Variants in GLS observed in about 807,000 individuals in gnomAD.
The protein encoded by GLS is glutaminase kidney isoform, mitochondrial.
Under a neutral mutation model 86.7 loss-of-function variants are expected in GLS, and 36 were observed. The observed-to-expected ratio is 0.42, with a 90% CI of 0.32 to 0.55. The LOEUF is 0.55. Among genes scored for constraint, GLS ranks in the 20% least tolerant of loss-of-function variants. GLS has a pLI of 0.17. For synonymous variants in GLS, 317 were observed against 305.9 expected, an observed-to-expected ratio of 1.04 and a Z score of -0.38; for missense variants, 528 against 833.4, an observed-to-expected ratio of 0.63 and a Z score of 4.51.
At position 190,897,735 on chromosome 2, in the gene GLS, T is replaced by C. The variant is rs1339601311; in HGVS notation, c.605+2010T>C. On this transcript the variant is annotated intron_variant, in intron 3 of 17. Coordinates refer to ENST00000320717, the MANE Select transcript of GLS (RefSeq NM_014905.5). The surrounding 1 kb of genome is among the most constrained non-coding windows in gnomAD (Gnocchi z 4.3). Reference sequence around the variant, plus strand: ...GCCAGAAATAAACTTCTCCCTTTCATGCAGCTAGGGAGGAGATGTTAAAAC... The same window carrying C: ...GCCAGAAATAAACTTCTCCCTTTCACGCAGCTAGGGAGGAGATGTTAAAAC... Among the ~76,000 whole-genome samples the C allele has an allele frequency of 6.6e-6, 1 of 152,222 alleles. No homozygotes were observed. The highest frequency in any genetic ancestry group is 2.4e-5 in the African/African-American group (1 of 41,450).
intron 14 of GLS, chr2:190,933,583 A>C (rs1690177357): frequency 1.1e-6 from 1 of 945,916 alleles, no homozygotes; most frequent in Non-Finnish European, 1.3e-6. Flanking sequence ...CAGATGTGAG[A>C]TAATGATGTT....
chr2:190,937,550 A>G (rs1479411494), intron 14 of GLS, among the ~76,000 whole-genome samples: 1 of 151,436 alleles, frequency 6.6e-6, no homozygotes, highest in Non-Finnish European at 1.5e-5. Flanking sequence ...TGCTTATTTA[A>G]CAAAGTGATT....
At chr2:190,925,823 T>C (rs1448662292) in intron 11 of GLS, among the ~76,000 whole-genome samples, 1 of 152,188 alleles carries the variant, frequency 6.6e-6, no homozygotes, top group East Asian at 1.9e-4. Context: ...CCATGTGACC[T>C]AATTTTAGTT....
chr2:190,895,221 G>C lies in GLS; in HGVS notation c.456G>C (p.Glu152Asp), dbSNP rs747392305. 6.8e-7 allele frequency: 1 copy of C among 1,469,420 alleles called. No homozygotes were observed. The highest frequency in any genetic ancestry group is 9.5e-7 in the Non-Finnish European group (1 of 1,053,350). 91.0% of individuals were successfully genotyped at this position (1,469,420 alleles called of 1,614,324 possible). A position where few individuals can be genotyped will look rare whatever the true frequency, so the allele number is the denominator to read the frequency against. Residue 152 changes from glutamate (E) to aspartate (D), a missense_variant, in exon 2 of 18, where the codon GAG becomes GAC. This residue lies in a region of GLS where 111 missense variants were observed against 179.5 expected (regional missense o/e 0.62). Coordinates refer to ENST00000320717, the MANE Select transcript of GLS (RefSeq NM_014905.5). This position sits in a 1 kb window ranked among gnomAD's most constrained non-coding sequence, Gnocchi z 4.2. ...TCTATACAATTGCTGAAGGACAAGA[G>C]AAAATACCTGTTCATAAATTTATTA... ...LLFYTIAEGQ[E>D]KIPVHKFITA...
chr2:190,913,580 A>G lies in GLS; in HGVS notation c.1038+3259A>G, dbSNP rs1689427792. On this transcript the variant is annotated intron_variant, in intron 7 of 17. Coordinates refer to ENST00000320717, the MANE Select transcript of GLS (RefSeq NM_014905.5). The surrounding 1 kb of genome is among the most constrained non-coding windows in gnomAD (Gnocchi z 6.1). ...AAAAATAAATTTGAAAGGAACAGTT[A>G]TTTTTATATGATGTAGCAGTATCCT... is the stretch of plus-strand genomic sequence containing the variant. The G allele has an allele frequency of 4.2e-6, 4 of 962,918 alleles. No homozygotes were observed. The highest frequency in any genetic ancestry group is 3.5e-5 in the African/African-American group (2 of 56,894). The allele number at this position is 962,918 out of a possible 1,614,324, so 59.6% of individuals were successfully genotyped here. A position where few individuals can be genotyped will look rare whatever the true frequency, so the allele number is the denominator to read the frequency against.
intron 6 of GLS, 94 bp from the exon 7 acceptor site, chr2:190,910,169 T>A: frequency 1.4e-6 from 1 of 738,030 alleles, no homozygotes; most frequent in Non-Finnish European, 2.3e-6. Context: ...ATTGAGTACG[T>A]TAGCTGTGCT....
chr2:190,909,067 A>G (rs1297408292), intron 6 of GLS, among the ~76,000 whole-genome samples: 1 of 152,230 alleles, frequency 6.6e-6, no homozygotes, highest in African/African-American at 2.4e-5. Flanking sequence ...AATTTAAACT[A>G]ATTTAAACTA....
At position 190,881,296 on chromosome 2, in the gene GLS, G is replaced by A. The variant is rs1250353728; in HGVS notation, c.212G>A (p.Gly71Asp). ...TGGCCGGCGGAGCCCCTCGCGCGGG[G>A]CCTGTCCAGCTCTCCTTCGGAGATC... is the stretch of plus-strand genomic sequence containing the variant. ...GGWPAEPLAR[G>D]LSSSPSEILQ... The change falls in exon 1 of 18, where the codon GGC (glycine) becomes GAC (aspartate). Residue 71 changes from glycine (G) to aspartate (D), a missense_variant. By Grantham distance (94) the Gly-to-Asp change is moderately conservative. Transcript: ENST00000320717. 3 of 1,448,352 alleles carry A rather than the reference G, an allele frequency of 2.1e-6. No individual in the cohort carries two copies. Among genetic ancestry groups the A allele is most frequent in the Non-Finnish European group, 2.7e-6 (3 of 1,097,594 alleles). 89.7% of individuals were successfully genotyped at this position (1,448,352 alleles called of 1,614,324 possible). A position where few individuals can be genotyped will look rare whatever the true frequency, so the allele number is the denominator to read the frequency against.
At chr2:190,899,394 C>G (rs1296437971) in intron 3 of GLS, among the ~76,000 whole-genome samples, 1 of 151,866 alleles carries the variant, frequency 6.6e-6, no homozygotes, top group African/African-American at 2.4e-5. Flanking sequence ...TATTTTTAAA[C>G]TGTTAATTTT....
Position 190,935,306 on chromosome 2 carries a change from G to GTT in GLS, c.1650+3672_1650+3673dup, listed in dbSNP as rs1473235510. On this transcript the variant is annotated intron_variant, in intron 14 of 17. Coordinates refer to ENST00000320717, the MANE Select transcript of GLS (RefSeq NM_014905.5). This position sits in a 1 kb window ranked among gnomAD's most constrained non-coding sequence, Gnocchi z 4.2. Reference sequence around the variant, plus strand: ...TTAAGCTGATTTTATTGTTTTTTTTGTTTTGTTTTGTTTTGTTTTTATAAA... The same window carrying GTT: ...TTAAGCTGATTTTATTGTTTTTTTTGTTTTTTGTTTTGTTTTGTTTTTATAAA... The GTT allele has an allele frequency of 1.3e-5, 5 of 385,032 alleles. No homozygotes were observed. Among genetic ancestry groups the GTT allele is most frequent in the African/African-American group, 2.2e-5 (1 of 45,260 alleles). The allele number at this position is 385,032 out of a possible 1,614,324, so 23.9% of individuals were successfully genotyped here. A position where few individuals can be genotyped will look rare whatever the true frequency, so the allele number is the denominator to read the frequency against.
intron 17 of GLS, among the ~76,000 whole-genome samples, chr2:190,961,566 T>C (rs1457230881): frequency 1.3e-5 from 2 of 152,148 alleles, no homozygotes; most frequent in African/African-American, 4.8e-5. Flanking sequence ...TAACACGCAG[T>C]TGACATTCCA....
Position 190,895,798 on chromosome 2 carries a change from G to T in GLS, c.605+73G>T, listed in dbSNP as rs1328028576. 14 of 1,270,634 alleles carry T rather than the reference G, an allele frequency of 1.1e-5. No individual in the cohort carries two copies. The highest frequency in any genetic ancestry group is 1.5e-5 in the Non-Finnish European group (14 of 921,426). The allele number at this position is 1,270,634 out of a possible 1,614,324, so 78.7% of individuals were successfully genotyped here. On this transcript the variant is annotated intron_variant, in intron 3 of 17. Transcript: ENST00000320717. This position sits in a 1 kb window ranked among gnomAD's most constrained non-coding sequence, Gnocchi z 4.2. Reference sequence around the variant, plus strand: ...GTGATTCTGCTTTTAAAACAAAATTGCATCTTTGAAGGCCACTGCTTCCTG... The same window carrying T: ...GTGATTCTGCTTTTAAAACAAAATTTCATCTTTGAAGGCCACTGCTTCCTG...
At chr2:190,958,353 GTTGA>G (rs1690911896) in intron 17 of GLS, among the ~76,000 whole-genome samples, 1 of 152,036 alleles carries the variant, frequency 6.6e-6, no homozygotes, top group African/African-American at 2.4e-5. Flanking sequence ...GGTCTATTTT[GTTGA>G]TGTTTTCAAA....
At chr2:190,937,111 T>G (rs1173030643) in intron 14 of GLS, among the ~76,000 whole-genome samples, 2 of 151,434 alleles carry the variant, frequency 1.3e-5, no homozygotes, top group African/African-American at 4.8e-5. Context: ...GAATGGACTT[T>G]ACCTTACTCG....
Position 190,946,671 on chromosome 2 carries a change from G to A in GLS, c.1651-6894G>A, listed in dbSNP as rs1054043860. On this transcript the variant is annotated intron_variant, in intron 14 of 17. Transcript: ENST00000320717. ...AAACCAGTGAACCAATTTTTCCTCC[G>A]TCTCTCCCTCCCTCCATCTTCTCCC... Among the ~76,000 whole-genome samples, 9 of 151,950 alleles carry A rather than the reference G, an allele frequency of 5.9e-5. No homozygotes were observed. The South Asian group carries it at 8.3e-4, about 14-fold the overall frequency.
At chr2:190,881,608 C>G (rs956789561) in intron 1 of GLS, 138 bp downstream of exon 1, 7 of 827,844 alleles carry the variant, frequency 8.5e-6, no homozygotes, top group Non-Finnish European at 1.2e-5. Context: ...CGGCCTGCGC[C>G]GTCTGCGCCA....
chr2:190,881,155 C>G lies in GLS; in HGVS notation c.71C>G (p.Thr24Ser). The change falls in exon 1 of 18, where the codon ACT becomes AGT. Residue 24 changes from threonine to serine, a missense_variant. Physicochemically the swap from Thr to Ser is moderately conservative, Grantham distance 58. Transcript: ENST00000320717. ...LLRSPAGVSATLRRAQPLVTL... is the reference protein window; with the variant it reads ...LLRSPAGVSASLRRAQPLVTL... ...CGGTCGCCCGCCGGCGTGAGCGCGA[C>G]TCTGCGGCGGGCACAGCCCTTGGTC... 1 of 1,551,948 alleles carries G rather than the reference C, an allele frequency of 6.4e-7. No individual in the cohort carries two copies. The highest frequency in any genetic ancestry group is 8.6e-7 in the Non-Finnish European group (1 of 1,157,200).
intron 1 of GLS, among the ~76,000 whole-genome samples, chr2:190,885,726 A>G (rs1170774192): frequency 3.3e-5 from 5 of 152,200 alleles, no homozygotes; most frequent in African/African-American, 1.2e-4. Context: ...CACTTAAGCT[A>G]AAATCAAGGT....
chr2:190,903,202 G>A (rs961260228), intron 5 of GLS, among the ~76,000 whole-genome samples: 1 of 152,100 alleles, frequency 6.6e-6, no homozygotes, highest in African/African-American at 2.4e-5. Context: ...TTCATTTTAG[G>A]TGATTTTAAT....
Sources: gnomAD v4.1 joint callset for allele counts (sites outside exome capture counted in the v4.1 genomes callset) on GRCh38, gnomAD v4.1.1 for gene constraint, gnomAD v4.1.1 regional missense constraint, Gnocchi (gnomAD v3.1) non-coding constraint, MANE v1.5 for transcripts, NCBI Gene and HGNC (gene_info 2026-07-23, HGNC 2026-07-21) for gene names.